Variants in FBLN7 observed in about 807,000 individuals in gnomAD.
FBLN7 encodes fibulin 7.
FBLN7 carries 31 observed loss-of-function variants against 44.0 expected under a neutral mutation model. The observed-to-expected ratio is 0.70, with a 90% CI of 0.53 to 0.95. FBLN7 has a LOEUF of 0.95. Ranked by LOEUF, FBLN7 falls within the 40% of genes least tolerant of loss-of-function variation. The probability of loss-of-function intolerance (pLI) is 0.00; values close to 1 mark genes in which losing one functional copy is unlikely to be tolerated. For missense variants in FBLN7, 573 were observed against 618.5 expected, an observed-to-expected ratio of 0.93 and a Z score of 0.78; for synonymous variants, 262 against 253.4, an observed-to-expected ratio of 1.03 and a Z score of -0.32.
chr2:112,160,001 AT>A (rs1177652600), intron 2 of FBLN7, among the ~76,000 whole-genome samples, 166 bp downstream of exon 2: 3 of 146,496 alleles, frequency 2.0e-5, no homozygotes, highest in African/African-American at 7.6e-5. Context: ...TTATTTATTT[AT>A]TTTTTTGAGA....
intron 6 of FBLN7, among the ~76,000 whole-genome samples, chr2:112,184,968 C>T (rs181519768): frequency 9.9e-5 from 15 of 151,836 alleles, no homozygotes; most frequent in Admixed American, 7.2e-4. Flanking sequence ...ACCATCCTTG[C>T]CACCTGTCAT....
At chr2:112,236,681 T>A in the FBLN7 span, 1 of 1,610,072 alleles carries the variant, frequency 6.2e-7, no homozygotes, top group Non-Finnish European at 8.5e-7. Flanking sequence ...AGATTTTTAT[T>A]TTTTTGTTTA....
chr2:112,236,566 T>G, the FBLN7 span: 1 of 1,612,990 alleles, frequency 6.2e-7, no homozygotes, highest in African/African-American at 1.3e-5. Context: ...CAATACCTCT[T>G]CCTGTGAGCC....
rs1683045998 is a variant in FBLN7, at chr2:112,182,387, C to T, written c.671-404C>T. Reference sequence around the variant, plus strand: ...GATCTGGTCAGTTGGTGCTAATAGCCTCATTTTACAGCACAGAAAGGAGGA... The same window carrying T: ...GATCTGGTCAGTTGGTGCTAATAGCTTCATTTTACAGCACAGAAAGGAGGA... On this transcript the variant is annotated intron_variant, in intron 5 of 7. Coordinates refer to ENST00000331203, the MANE Select transcript of FBLN7 (RefSeq NM_153214.3). Among the ~76,000 whole-genome samples the T allele has an allele frequency of 2.6e-5, 4 of 152,184 alleles. No homozygotes were observed. The South Asian group carries it at 8.3e-4, about 31-fold the overall frequency.
intron 3 of FBLN7, 88 bp from the exon 4 acceptor site, chr2:112,175,626 G>A: frequency 2.6e-6 from 4 of 1,516,258 alleles, no homozygotes; most frequent in East Asian, 2.3e-5. Context: ...ACAATGTAAA[G>A]GAAGTTAACC....
chr2:112,155,672 C>A (rs1681374100), intron 1 of FBLN7, among the ~76,000 whole-genome samples: 1 of 152,194 alleles, frequency 6.6e-6, no homozygotes. Context: ...GCAAGCTGGG[C>A]ACATCTCACC....
chr2:112,168,719 C>T (rs1034998415), intron 3 of FBLN7, among the ~76,000 whole-genome samples: 34 of 152,204 alleles, frequency 2.2e-4, no homozygotes, highest in African/African-American at 7.5e-4. Flanking sequence ...TTACCAGCAA[C>T]CACTGAGCAC....
chr2:112,201,912 G>A, the FBLN7 span, among the ~76,000 whole-genome samples: 1 of 152,190 alleles, frequency 6.6e-6, no homozygotes, highest in Non-Finnish European at 1.5e-5. Flanking sequence ...AAAAGAGCTG[G>A]TGTGTCAGCA....
the FBLN7 span, among the ~76,000 whole-genome samples, chr2:112,231,484 T>C: frequency 6.6e-6 from 1 of 152,216 alleles, no homozygotes; most frequent in Non-Finnish European, 1.5e-5. Flanking sequence ...TTCTAAAATG[T>C]TTATAAACCC....
At chr2:112,207,790 G>T in the FBLN7 span, among the ~76,000 whole-genome samples, 1 of 152,142 alleles carries the variant, frequency 6.6e-6, no homozygotes, top group Non-Finnish European at 1.5e-5. Context: ...AGTTATCTTT[G>T]CTCTGAAGTC....
intron 1 of FBLN7, among the ~76,000 whole-genome samples, chr2:112,139,292 C>T (rs1206646013): frequency 1.8e-3 from 2 of 1,110 alleles, no homozygotes; most frequent in Admixed American, 6.9e-3. Context: ...TCCAGGTCAG[C>T]GTCCCTCCCG....
At chr2:112,175,545 C>T (rs1682697607) in intron 3 of FBLN7, among the ~76,000 whole-genome samples, 169 bp from the exon 4 acceptor site, 1 of 152,230 alleles carries the variant, frequency 6.6e-6, no homozygotes, top group Non-Finnish European at 1.5e-5. Flanking sequence ...CCCATCGGCC[C>T]CCTGGCAGCT....
intron 2 of FBLN7, among the ~76,000 whole-genome samples, chr2:112,160,494 T>C (rs1450652582): frequency 6.6e-6 from 1 of 152,218 alleles, no homozygotes; most frequent in Non-Finnish European, 1.5e-5. Context: ...GCACTGCTTT[T>C]CCCTTCCCCG....
the FBLN7 span, among the ~76,000 whole-genome samples, chr2:112,240,952 AGTGTGTGTGTGT>A: frequency 1.7e-3 from 243 of 142,704 alleles, 1 homozygote; most frequent in Middle Eastern, 0.021. Flanking sequence ...TACAGGTAAC[AGTGTGTGTGTGT>A]GTGTGTGTGT....
chr2:112,153,342 G>A (rs1195268295), intron 1 of FBLN7: 1 of 152,202 alleles, frequency 6.6e-6, no homozygotes, highest in Non-Finnish European at 1.5e-5. Flanking sequence ...ACGCATAGCT[G>A]TGGCTTGGGA....
At chr2:112,181,006 C>CA (rs1206142059) in intron 4 of FBLN7, among the ~76,000 whole-genome samples, 5 of 149,596 alleles carry the variant, frequency 3.3e-5, no homozygotes, top group Admixed American at 6.6e-5. Context: ...TACGCAGCCA[C>CA]AAAAAAGAAT....
chr2:112,183,197 G>T (rs1257711669), intron 6 of FBLN7, among the ~76,000 whole-genome samples: 1 of 152,176 alleles, frequency 6.6e-6, no homozygotes, highest in Non-Finnish European at 1.5e-5. Context: ...TCAAGGTCTG[G>T]TCAATTCTAC....
the FBLN7 span, among the ~76,000 whole-genome samples, chr2:112,219,650 A>G: frequency 6.8e-6 from 1 of 147,344 alleles, no homozygotes. Flanking sequence ...GAGTGGGGTG[A>G]TTTTTTTTTT....
At position 112,138,449 on chromosome 2, in the gene FBLN7, C is replaced by T; in HGVS notation, c.-207C>T. On this transcript the variant is annotated 5_prime_UTR_variant, in exon 1 of 8. Coordinates refer to ENST00000331203, the MANE Select transcript of FBLN7 (RefSeq NM_153214.3). ...TGTCTCGTGCGGGCAGCTGCGGGCG[C>T]ACCTGGACCCTCGCAAGGCCCGGGC... 2 of 349,218 alleles carry T rather than the reference C, an allele frequency of 5.7e-6. No homozygotes were observed. The highest frequency in any genetic ancestry group is 9.7e-4 in the Middle Eastern group (1 of 1,030). 21.6% of individuals were successfully genotyped at this position (349,218 alleles called of 1,614,324 possible). A position where few individuals can be genotyped will look rare whatever the true frequency, so the allele number is the denominator to read the frequency against.
Sources: gnomAD v4.1 joint callset for allele counts (sites outside exome capture counted in the v4.1 genomes callset) on GRCh38, gnomAD v4.1.1 for gene constraint, MANE v1.5 for transcripts, NCBI Gene and HGNC (gene_info 2026-07-23, HGNC 2026-07-21) for gene names.